The following PDS5A variants were observed in gnomAD, a reference collection of about 807,000 sequenced individuals.
PDS5A encodes the protein sister chromatid cohesion protein PDS5 homolog A.
A neutral mutation model predicts 167.1 loss-of-function variants in PDS5A; 42 were observed. The observed-to-expected ratio is 0.25, with a 90% CI of 0.20 to 0.33. PDS5A has a LOEUF of 0.33. Ranked by LOEUF, PDS5A falls within the 10% of genes least tolerant of loss-of-function variation. The probability of loss-of-function intolerance (pLI) is 1.00; values close to 1 mark genes in which losing one functional copy is unlikely to be tolerated. For missense variants in PDS5A, 1,033 were observed against 1,605.9 expected (o/e 0.64, Z 6.10); for synonymous variants, 553 against 554.6 (o/e 1.00, Z 0.04).
intron 17 of PDS5A, among the ~76,000 whole-genome samples, chr4:39,884,685 T>C (rs553140475): frequency 1.3e-5 from 2 of 152,364 alleles, no homozygotes; most frequent in Admixed American, 6.5e-5. Flanking sequence ...TTTTCTGCTT[T>C]TGACTATGTC....
intron 18 of PDS5A, among the ~76,000 whole-genome samples, chr4:39,877,676 C>G (rs547140031): frequency 1.0e-3 from 154 of 151,888 alleles, no homozygotes; most frequent in Admixed American, 1.8e-3. Context: ...GTCACCTAGG[C>G]TAGAGTACAG....
intron 28 of PDS5A, 152 bp from the exon 29 acceptor site, chr4:39,846,032 ACAAT>A (rs1032081884): frequency 7.6e-6 from 5 of 658,606 alleles, no homozygotes; most frequent in Admixed American, 9.8e-5. Flanking sequence ...AACAATCAAA[ACAAT>A]CAAAGCCATA....
chr4:39,946,641 G>A (rs1283495011), intron 2 of PDS5A, among the ~76,000 whole-genome samples: 3 of 152,140 alleles, frequency 2.0e-5, no homozygotes, highest in Non-Finnish European at 4.4e-5. Context: ...TTGGCCAGGC[G>A]TGGTGGCTCA....
At chr4:39,869,937 C>T (rs928652899) in intron 21 of PDS5A, among the ~76,000 whole-genome samples, 3 of 151,944 alleles carry the variant, frequency 2.0e-5, no homozygotes, top group Non-Finnish European at 4.4e-5. Flanking sequence ...CAAAACCCTG[C>T]CTCTTCTAAA....
intron 31 of PDS5A, 136 bp from the exon 32 acceptor site, chr4:39,838,344 G>T: frequency 1.5e-6 from 1 of 650,584 alleles, no homozygotes; most frequent in Admixed American, 3.0e-5. Context: ...CATCACATTA[G>T]GAAAGTAAGC....
intron 2 of PDS5A, among the ~76,000 whole-genome samples, chr4:39,931,891 CTTTTT>C (rs372230505): frequency 7.3e-6 from 1 of 136,110 alleles, no homozygotes; most frequent in Non-Finnish European, 1.6e-5. Flanking sequence ...GGTCAGGTGA[CTTTTT>C]TTTTTTTTTT....
At chr4:39,954,066 C>T (rs1728666035) in intron 2 of PDS5A, among the ~76,000 whole-genome samples, 1 of 151,714 alleles carries the variant, frequency 6.6e-6, no homozygotes, top group South Asian at 2.1e-4. Context: ...TGAGGCAGGG[C>T]ATGGTGGCCC....
At chr4:39,899,962 T>G (rs1011880535) in intron 14 of PDS5A, among the ~76,000 whole-genome samples, 16 of 151,640 alleles carry the variant, frequency 1.1e-4, no homozygotes, top group Non-Finnish European at 2.2e-4. Context: ...CCTATTCTAG[T>G]GAACACACGT....
At chr4:39,826,578 C>T (rs1050655528) in intron 32 of PDS5A, among the ~76,000 whole-genome samples, 14 of 151,776 alleles carry the variant, frequency 9.2e-5, no homozygotes, top group Admixed American at 7.9e-4. Context: ...CTCCACCTCC[C>T]GGGTTCAAGC....
chr4:39,896,401 C>A (rs1321030740), intron 16 of PDS5A, among the ~76,000 whole-genome samples: 1 of 140,240 alleles, frequency 7.1e-6, no homozygotes, highest in Non-Finnish European at 1.5e-5. Flanking sequence ...TAGCTTAAAA[C>A]ACATTTTGTG....
In PDS5A at chr4:39,977,141, C is replaced by T. The variant is rs1731189224; in HGVS notation, c.-41+316G>A. Among the ~76,000 whole-genome samples the T allele has an allele frequency of 6.6e-6, 1 of 152,034 alleles. No individual in the cohort carries two copies. Among genetic ancestry groups the T allele is most frequent in the Non-Finnish European group, 1.5e-5 (1 of 67,962 alleles). On this transcript the variant is annotated intron_variant, in intron 1 of 32. Coordinates refer to ENST00000303538, the MANE Select transcript of PDS5A (RefSeq NM_001100399.2). The surrounding 1 kb of genome is among the most constrained non-coding windows in gnomAD (Gnocchi z 4.2). ...CTCGGACCCGGGGTAGTCCCCGCCG[C>T]GCTGCCACCCCTCCCCTGTTCCGCT...
chr4:39,969,178 C>T (rs2109822583), intron 2 of PDS5A, among the ~76,000 whole-genome samples: 2 of 152,330 alleles, frequency 1.3e-5, no homozygotes, highest in Middle Eastern at 6.8e-3. Flanking sequence ...ATAATTGTAA[C>T]TTCTATTATC....
In PDS5A at chr4:39,825,281, C is replaced by G. The variant is rs763330368; in HGVS notation, c.*204G>C. The G allele has an allele frequency of 5.5e-4, 241 of 434,664 alleles. No individual in the cohort carries two copies. The highest frequency in any genetic ancestry group is 8.6e-4 in the Non-Finnish European group (211 of 244,616). The allele number at this position is 434,664 out of a possible 1,614,324, so 26.9% of individuals were successfully genotyped here. ...ACAGAGTTGCTTTTAGCCTCTCTCT[C>G]AAGAGTTTCTGCTGTACATTTCCAT... On this transcript the variant is annotated 3_prime_UTR_variant, in exon 33 of 33. Coordinates refer to ENST00000303538, the MANE Select transcript of PDS5A (RefSeq NM_001100399.2).
chr4:39,976,333 A>C (rs1367357769), intron 2 of PDS5A, 107 bp downstream of exon 2: 43 of 800,338 alleles, frequency 5.4e-5, no homozygotes, highest in Non-Finnish European at 8.4e-5. Flanking sequence ...AGAGGGGGTA[A>C]GAGATCTAAA....
chr4:39,880,596 T>C (rs1469012870), intron 17 of PDS5A, among the ~76,000 whole-genome samples: 2 of 152,146 alleles, frequency 1.3e-5, no homozygotes, highest in African/African-American at 4.8e-5. Flanking sequence ...TTTGGTGTTA[T>C]GTCAAAGTAT....
chr4:39,946,413 C>G (rs1364654604), intron 2 of PDS5A, among the ~76,000 whole-genome samples: 2 of 151,898 alleles, frequency 1.3e-5, no homozygotes, highest in South Asian at 2.1e-4. Flanking sequence ...GGCAGAGAAG[C>G]AGAAGTGGGC....
At chr4:39,975,106 CAA>C (rs57418654) in intron 2 of PDS5A, among the ~76,000 whole-genome samples, 239 of 85,200 alleles carry the variant, frequency 2.8e-3, no homozygotes, top group Middle Eastern at 6.1e-3. Context: ...GACTCCGTCT[CAA>C]AAAAAAAAAA....
At chr4:39,867,048 A>G in intron 22 of PDS5A, 51 bp from the exon 23 acceptor site, 1 of 1,428,818 alleles carries the variant, frequency 7.0e-7, no homozygotes, top group South Asian at 1.3e-5. Context: ...AATTCCAATT[A>G]AAGGGAAAAT....
chr4:39,956,462 T>C (rs1382250374), intron 2 of PDS5A, among the ~76,000 whole-genome samples: 3 of 137,912 alleles, frequency 2.2e-5, no homozygotes, highest in Admixed American at 7.9e-5. Context: ...CACTGCACTC[T>C]AGCCTGGGTG....
Sources: allele counts gnomAD v4.1 joint callset (sites outside exome capture counted in the v4.1 genomes callset), GRCh38; gene constraint gnomAD v4.1.1; non-coding constraint Gnocchi (gnomAD v3.1); transcripts MANE v1.5; gene names NCBI Gene and HGNC (gene_info 2026-07-23, HGNC 2026-07-21).